Variants in MESD observed in about 807,000 individuals in gnomAD.
MESD encodes mesoderm development LRP chaperone.
A neutral mutation model predicts 12.9 loss-of-function variants in MESD; 7 were observed. That is an observed-to-expected ratio of 0.54 (90% CI 0.31 to 1.02). The LOEUF is 1.02. MESD is among the 50% of genes least tolerant of loss of function. The pLI is 0.05. For missense variants in MESD, 342 were observed against 296.7 expected (o/e 1.15, Z -1.12); for synonymous variants, 126 against 115.6 (o/e 1.09, Z -0.58).
At chr15:80,950,163 C>T (rs1462620051) in intron 4 of MESD, 1 of 152,274 alleles carries the variant, frequency 6.6e-6, no homozygotes, top group Non-Finnish European at 1.5e-5. Context: ...TGTGCTCGTA[C>T]TCCCTCGGCC....
At chr15:80,969,896 C>T (rs924799837) in intron 3 of MESD, among the ~76,000 whole-genome samples, 1 of 152,194 alleles carries the variant, frequency 6.6e-6, no homozygotes, top group Non-Finnish European at 1.5e-5. Context: ...CACTGCCTTG[C>T]AGCGTGACCT....
chr15:80,982,077 TTTTCAATATGC>T lies in MESD; in HGVS notation c.308_318del (p.Ser103AsnfsTer20), dbSNP rs774044950. 2.5e-6 allele frequency: 4 copies of T among 1,614,074 alleles called. No homozygotes were observed. Among genetic ancestry groups the T allele is most frequent in the Non-Finnish European group, 8.5e-7 (1 of 1,180,032 alleles). On this transcript the variant is annotated frameshift_variant, in exon 2 of 3. Transcript: ENST00000261758. LOFTEE classifies it high-confidence loss of function. The stretch of plus-strand genomic sequence containing the variant: ...ATGAGAGTCTTCCCTTTTTTCGTCA[TTTTCAATATGC>T]TTTCAGGCTTGCTTGGGTCTATCTT...
At chr15:80,954,283 C>T (rs930412755) in intron 3 of MESD, among the ~76,000 whole-genome samples, 1 of 152,184 alleles carries the variant, frequency 6.6e-6, no homozygotes, top group African/African-American at 2.4e-5. Flanking sequence ...AGAGCATAGG[C>T]CATAGGTTTT....
At chr15:80,958,072 A>G (rs184954790) in intron 3 of MESD, among the ~76,000 whole-genome samples, 19 of 152,244 alleles carry the variant, frequency 1.2e-4, no homozygotes, top group Middle Eastern at 6.8e-3. Flanking sequence ...GATTTCCTCA[A>G]ATTACACAAA....
intron 3 of MESD, among the ~76,000 whole-genome samples, chr15:80,965,775 GGGGAGCATCACACACCA>G (rs1902164500): frequency 6.6e-6 from 1 of 152,156 alleles, no homozygotes; most frequent in Admixed American, 6.5e-5. Context: ...GACACAGGGA[GGGGAGCATCACACACCA>G]GGGCCTATTG....
intron 3 of MESD, among the ~76,000 whole-genome samples, chr15:80,969,630 G>A (rs575768176): frequency 3.3e-5 from 5 of 152,230 alleles, no homozygotes; most frequent in African/African-American, 9.6e-5. Flanking sequence ...CGAGGCAGGC[G>A]GATCAGTTGA....
Position 80,979,292 on chromosome 15 carries a change from T to C in MESD, c.632A>G (p.Lys211Arg). Reference sequence around the variant, plus strand: ...CCGAGATTTCAGATCTCCTTCCTTCTTTTTTTTGCCCTTGTCTTGCTTTGT... The same window carrying C: ...CCGAGATTTCAGATCTCCTTCCTTCCTTTTTTTGCCCTTGTCTTGCTTTGT... Reference protein sequence around the residue: ...NKTKQDKGKKKKEGDLKSRSS... With the variant: ...NKTKQDKGKKRKEGDLKSRSS... The change falls in exon 3 of 3, where the codon AAG (lysine) becomes AGG (arginine). Residue 211 changes from lysine to arginine, a missense_variant. Physicochemically the swap from Lys to Arg is conservative, Grantham distance 26 (BLOSUM62 2). Transcript: ENST00000261758. The C allele has an allele frequency of 6.2e-7, 1 of 1,612,868 alleles. No individual in the cohort carries two copies. Among genetic ancestry groups the C allele is most frequent in the Non-Finnish European group, 8.5e-7 (1 of 1,179,574 alleles).
exon 4 of MESD, chr15:80,952,158 CCT>C (rs1409630921): frequency 2.2e-6 from 1 of 455,882 alleles, no homozygotes; most frequent in Non-Finnish European, 4.4e-6. Context: ...CCTCCCAGGC[CCT>C]GTTTGGCTGG....
At chr15:80,962,904 C>T (rs1192371976) in intron 3 of MESD, among the ~76,000 whole-genome samples, 1 of 152,098 alleles carries the variant, frequency 6.6e-6, no homozygotes, top group Non-Finnish European at 1.5e-5. Flanking sequence ...AAAATCGACA[C>T]CCTAACATCA....
intron 1 of MESD, among the ~76,000 whole-genome samples, chr15:80,988,354 C>T (rs961247663): frequency 1.3e-5 from 2 of 152,206 alleles, no homozygotes; most frequent in Admixed American, 6.5e-5. Context: ...ATCTACTGTT[C>T]CCAGTGCAAT....
intron 4 of MESD, chr15:80,951,151 G>A (rs978103078): frequency 2.6e-5 from 4 of 152,670 alleles, no homozygotes; most frequent in Non-Finnish European, 5.9e-5. Flanking sequence ...GTTTTGTTGA[G>A]TTTTCACTCT....
chr15:80,981,836 C>G (rs1902587509), intron 2 of MESD, 114 bp downstream of exon 2: 4 of 810,608 alleles, frequency 4.9e-6, no homozygotes, highest in Admixed American at 5.5e-5. Context: ...GCCTAGGCAA[C>G]AAGAGCAAAA....
In MESD at chr15:80,977,385, G is replaced by C. The variant is rs180997514; in HGVS notation, c.*1834C>G. ...GCAGAGGCTGTATCTACACCGTCCTGGCACCTTGTAGTACCTAGTACATAA... is the reference window on the plus strand; with the variant it reads ...GCAGAGGCTGTATCTACACCGTCCTCGCACCTTGTAGTACCTAGTACATAA... On this transcript the variant is annotated 3_prime_UTR_variant, in exon 3 of 3. Transcript: ENST00000261758. 2.6e-5 allele frequency: 4 copies of C among 152,304 alleles called. No individual in the cohort carries two copies. The highest frequency in any genetic ancestry group is 2.6e-4 in the Admixed American group (4 of 15,304). 9.4% of individuals were successfully genotyped at this position (152,304 alleles called of 1,614,324 possible).
chr15:80,981,936 T>A lies in MESD; in HGVS notation c.446+14A>T. The stretch of plus-strand genomic sequence containing the variant: ...ACAGCCTATGAGTCTCTCAGCTGGT[T>A]GTTGCTGCTTTACCTCTGGACGTCA... On this transcript the variant is annotated intron_variant, in intron 2 of 2. Transcript: ENST00000261758. 2 of 1,562,266 alleles carry A rather than the reference T, an allele frequency of 1.3e-6. No individual in the cohort carries two copies. Among genetic ancestry groups the A allele is most frequent in the Non-Finnish European group, 8.8e-7 (1 of 1,133,096 alleles).
exon 5 of MESD, chr15:80,948,564 T>C: frequency 1.7e-6 from 1 of 584,690 alleles, no homozygotes; most frequent in South Asian, 1.8e-5. Flanking sequence ...AACAAAGCCA[T>C]CACCCTGCCT....
chr15:80,959,721 C>G (rs921613322), intron 3 of MESD, among the ~76,000 whole-genome samples: 2 of 152,068 alleles, frequency 1.3e-5, no homozygotes, highest in Non-Finnish European at 2.9e-5. Context: ...CAGGAGCCAG[C>G]AGGAATAGGA....
chr15:80,972,648 T>C (rs1444085380), downstream of MESD, among the ~76,000 whole-genome samples: 1 of 152,164 alleles, frequency 6.6e-6, no homozygotes, highest in Non-Finnish European at 1.5e-5. Flanking sequence ...ATCTGTTAAG[T>C]AGAATTATGG....
At chr15:80,948,371 T>C (rs532333817) in exon 5 of MESD, 1 of 311,470 alleles carries the variant, frequency 3.2e-6, no homozygotes, top group East Asian at 7.8e-5. Context: ...CACAGAGTGA[T>C]AGAGTGGGGA....
At chr15:80,971,845 G>A (rs1258548312), downstream of MESD, among the ~76,000 whole-genome samples, 1 of 151,888 alleles carries the variant, frequency 6.6e-6, no homozygotes, top group African/African-American at 2.4e-5. Context: ...ACTTGGGAGG[G>A]AGGCTGAGGT....
Sources: gnomAD v4.1 joint callset for allele counts (sites outside exome capture counted in the v4.1 genomes callset) on GRCh38, gnomAD v4.1.1 for gene constraint, MANE v1.5 for transcripts, NCBI Gene and HGNC (gene_info 2026-07-23, HGNC 2026-07-21) for gene names.